Variants in SPRY3 observed in about 807,000 individuals in gnomAD.
SPRY3 encodes protein sprouty homolog 3.
A neutral mutation model predicts 20.2 loss-of-function variants in SPRY3; 15 were observed. That is an observed-to-expected ratio of 0.74 (90% CI 0.50 to 1.14). The LOEUF is 1.14. Among genes scored for constraint, SPRY3 ranks in the 50% most tolerant of loss-of-function variants. SPRY3 has a pLI of 0.00. For missense variants in SPRY3, 364 were observed against 363.9 expected (o/e 1.00, Z 0.00); for synonymous variants, 143 against 136.5 (o/e 1.05, Z -0.33).
chrX:155,639,617 T>C (rs2067934781), intron 1 of SPRY3, among the ~76,000 whole-genome samples: 1 of 112,589 alleles, frequency 8.9e-6, no homozygotes, highest in Non-Finnish European at 1.9e-5. Flanking sequence ...TCCATTCATC[T>C]GGACATTTGA....
chrX:155,753,632 A>G (rs2091272730), intron 2 of SPRY3, among the ~76,000 whole-genome samples: 1 of 151,938 alleles, frequency 6.6e-6, no homozygotes, highest in East Asian at 1.9e-4. Context: ...TTCATGTTTA[A>G]CATTTCAAGA....
At chrX:155,718,308 A>G (rs1457511262) in intron 2 of SPRY3, among the ~76,000 whole-genome samples, 1 of 152,132 alleles carries the variant, frequency 6.6e-6, no homozygotes, top group East Asian at 1.9e-4. Flanking sequence ...AATCTTGACA[A>G]AAAAAGATTG....
exon 4 of SPRY3, chrX:155,773,943 C>A: frequency 6.2e-7 from 1 of 1,613,886 alleles, no homozygotes; most frequent in East Asian, 2.2e-5. Flanking sequence ...CTCATGCTAG[C>A]AATGACTACG....
intron 1 of SPRY3, among the ~76,000 whole-genome samples, chrX:155,633,645 C>T (rs1183128474): frequency 5.4e-5 from 6 of 111,297 alleles, no homozygotes; most frequent in African/African-American, 1.3e-4. Flanking sequence ...CACTGGTTCA[C>T]GAGCTTAAAT....
downstream of SPRY3, chrX:155,781,504 T>A (rs966147918): frequency 6.0e-6 from 1 of 167,022 alleles, no homozygotes; most frequent in African/African-American, 2.4e-5. Context: ...GACTTACTCA[T>A]AACCACACCG....
downstream of SPRY3, chrX:155,778,252 C>T (rs2091441611): frequency 1.2e-5 from 2 of 167,040 alleles, no homozygotes; most frequent in African/African-American, 2.4e-5. Context: ...GTGAATAATT[C>T]TTTCCCTAAC....
intron 2 of SPRY3, among the ~76,000 whole-genome samples, chrX:155,721,340 A>G (rs1173897333): frequency 1.3e-5 from 2 of 152,162 alleles, no homozygotes; most frequent in Admixed American, 6.5e-5. Context: ...AGAGTTATTG[A>G]TCTTAAAGAG....
chrX:155,617,865 C>T (rs1398726143), intron 1 of SPRY3, among the ~76,000 whole-genome samples: 1 of 111,654 alleles, frequency 9.0e-6, no homozygotes, highest in Non-Finnish European at 1.9e-5. Flanking sequence ...TTGGTTTTAA[C>T]CTTCTATTTG....
At chrX:155,779,554 G>A (rs1426471298), downstream of SPRY3, 2 of 166,858 alleles carry the variant, frequency 1.2e-5, no homozygotes, top group Non-Finnish European at 2.9e-5. Flanking sequence ...AATATAAAAA[G>A]GAATTTCATA....
chrX:155,738,425 C>A (rs1179926802), intron 2 of SPRY3, among the ~76,000 whole-genome samples: 1 of 152,054 alleles, frequency 6.6e-6, no homozygotes, highest in African/African-American at 2.4e-5. Flanking sequence ...ACAAATAGGA[C>A]AGGCCAAGAT....
At chrX:155,630,603 A>G (rs1436893003) in intron 1 of SPRY3, among the ~76,000 whole-genome samples, 2 of 111,551 alleles carry the variant, frequency 1.8e-5, no homozygotes, top group South Asian at 3.7e-4. Context: ...TGCTAGGCAT[A>G]TTGGAACTCC....
intron 2 of SPRY3, among the ~76,000 whole-genome samples, chrX:155,764,559 T>C (rs1216390074): frequency 6.6e-6 from 1 of 152,200 alleles, no homozygotes; most frequent in Non-Finnish European, 1.5e-5. Context: ...AGTATTAATT[T>C]AGTGATCAGT....
chrX:155,719,484 G>A (rs780269522), intron 2 of SPRY3, among the ~76,000 whole-genome samples: 1 of 152,138 alleles, frequency 6.6e-6, no homozygotes, highest in East Asian at 1.9e-4. Flanking sequence ...CACCAGCTGA[G>A]GCAGCTAAGG....
intron 2 of SPRY3, among the ~76,000 whole-genome samples, chrX:155,720,975 G>A (rs1055181263): frequency 9.2e-5 from 14 of 152,120 alleles, no homozygotes; most frequent in African/African-American, 3.4e-4. Context: ...GAGAAACAGA[G>A]ATATCTGACT....
In SPRY3 at chrX:155,614,761, C is replaced by CTG. The variant is rs782400559; in HGVS notation, c.-441+2128_-441+2129dup. Among the ~76,000 whole-genome samples the CTG allele has an allele frequency of 1.8e-3, 194 of 110,223 alleles. 1 individual carries two copies. Among genetic ancestry groups the CTG allele is most frequent in the African/African-American group, 4.9e-3 (148 of 30,474 alleles). On this transcript the variant is annotated intron_variant, in intron 1 of 3. Coordinates refer to ENST00000675360, the Ensembl canonical transcript of SPRY3. ...TCAGATATTTTACTGTTTCCTCTCT[C>CTG]TGTGTGTGTGTGTGTAGCAGGTCAC... is the stretch of plus-strand genomic sequence containing the variant.
At chrX:155,650,204 A>G (rs1464338734) in intron 1 of SPRY3, among the ~76,000 whole-genome samples, 1 of 111,663 alleles carries the variant, frequency 9.0e-6, no homozygotes, top group African/African-American at 3.3e-5. Flanking sequence ...TTATAGATTC[A>G]ATGCTATCCT....
intron 2 of SPRY3, among the ~76,000 whole-genome samples, chrX:155,725,569 T>A (rs2091091726): frequency 6.6e-6 from 1 of 152,246 alleles, no homozygotes. Flanking sequence ...TGTCAAGGAA[T>A]TTATCTATTT....
chrX:155,781,111 TAGAG>T (rs58162650), downstream of SPRY3: 838 of 164,446 alleles, frequency 5.1e-3, 1 homozygote, highest in Non-Finnish European at 8.8e-3. Context: ...GAGAGAAAGA[TAGAG>T]AGAGAGAGAG....
intron 2 of SPRY3, among the ~76,000 whole-genome samples, chrX:155,757,372 TC>T (rs1476941848): frequency 6.6e-6 from 1 of 152,138 alleles, no homozygotes; most frequent in Non-Finnish European, 1.5e-5. Flanking sequence ...ACTTTGAGAC[TC>T]ACCTCAAATG....
Sources: allele counts gnomAD v4.1 joint callset (sites outside exome capture counted in the v4.1 genomes callset), GRCh38; gene constraint gnomAD v4.1.1; transcripts MANE v1.5; gene names NCBI Gene and HGNC (gene_info 2026-07-23, HGNC 2026-07-21).